The following TENM3 variants were observed in gnomAD, a reference collection of about 807,000 sequenced individuals.
The protein encoded by TENM3 is teneurin-3.
A neutral mutation model predicts 255.1 loss-of-function variants in TENM3; 63 were observed. The observed-to-expected ratio is 0.25, with a 90% confidence interval of 0.20 to 0.30. TENM3 has a LOEUF of 0.30. Ranked by LOEUF, TENM3 falls within the 10% of genes least tolerant of loss-of-function variation. The pLI is 1.00. For missense variants in TENM3, 2,929 were observed against 3,461.1 expected, an observed-to-expected ratio of 0.85 and a Z score of 3.86; for synonymous variants, 1,306 against 1,322.3, an observed-to-expected ratio of 0.99 and a Z score of 0.27.
the TENM3 span, among the ~76,000 whole-genome samples, chr4:181,820,851 A>G: frequency 4.6e-5 from 7 of 152,178 alleles, no homozygotes; most frequent in Non-Finnish European, 7.3e-5. Context: ...TGTATTTTAT[A>G]TCATCGCCTT....
At chr4:181,910,558 C>CAT in the TENM3 span, among the ~76,000 whole-genome samples, 499 of 141,812 alleles carry the variant, frequency 3.5e-3, 1 homozygote, top group African/African-American at 9.9e-3. Flanking sequence ...AAAGTGTATA[C>CAT]ATATATATAT....
chr4:182,488,693 T>C (rs1288679324), intron 3 of TENM3, among the ~76,000 whole-genome samples: 1 of 152,160 alleles, frequency 6.6e-6, no homozygotes, highest in Non-Finnish European at 1.5e-5. Context: ...GAAAGCCTAA[T>C]GTCATCGAAT....
At chr4:182,735,347 G>T (rs975267943) in intron 16 of TENM3, among the ~76,000 whole-genome samples, 1 of 152,128 alleles carries the variant, frequency 6.6e-6, no homozygotes, top group Non-Finnish European at 1.5e-5. Context: ...CAGAATGGAA[G>T]CTTCCTTCGT....
chr4:182,764,860 A>T lies in TENM3; in HGVS notation c.4893-8612A>T, dbSNP rs112232435. Among the ~76,000 whole-genome samples, 338 of 152,276 alleles carry T rather than the reference A, an allele frequency of 2.2e-3. 2 individuals are homozygous for T. The highest frequency in any genetic ancestry group is 7.8e-3 in the African/African-American group (323 of 41,564). ...CAGCAACATAGCCAATCTGGTGACAATGTAAGGATAGATTTAAGGTAGAAA... is the reference window on the plus strand; with the variant it reads ...CAGCAACATAGCCAATCTGGTGACATTGTAAGGATAGATTTAAGGTAGAAA... On this transcript the variant is annotated intron_variant, in intron 22 of 27. Transcript: ENST00000511685.
At chr4:181,995,037 C>T in the TENM3 span, among the ~76,000 whole-genome samples, 1 of 152,022 alleles carries the variant, frequency 6.6e-6, no homozygotes, top group African/African-American at 2.4e-5. Flanking sequence ...GCCTGTAATC[C>T]CAGCACTTTG....
At chr4:182,325,117 CTT>C (rs1482224877) in intron 2 of TENM3, among the ~76,000 whole-genome samples, 5 of 152,080 alleles carry the variant, frequency 3.3e-5, no homozygotes, top group Admixed American at 6.6e-5. Flanking sequence ...TTACATATAA[CTT>C]AGCATTCTTT....
At chr4:182,277,869 G>C (rs1171947981) in intron 1 of TENM3, among the ~76,000 whole-genome samples, 1 of 152,166 alleles carries the variant, frequency 6.6e-6, no homozygotes, top group Non-Finnish European at 1.5e-5. Flanking sequence ...TATTTAAACA[G>C]TAGTGCAAAA....
At chr4:181,999,887 C>T in the TENM3 span, among the ~76,000 whole-genome samples, 1 of 152,244 alleles carries the variant, frequency 6.6e-6, no homozygotes, top group South Asian at 2.1e-4. Context: ...AGCAGCAATT[C>T]ATTAACTCCT....
At chr4:181,630,289 C>A in the TENM3 span, among the ~76,000 whole-genome samples, 1 of 151,760 alleles carries the variant, frequency 6.6e-6, no homozygotes, top group Non-Finnish European at 1.5e-5. Context: ...AAAAAACCAG[C>A]TCCTGGATTC....
At chr4:182,371,880 T>C (rs1766842957) in intron 3 of TENM3, among the ~76,000 whole-genome samples, 1 of 151,754 alleles carries the variant, frequency 6.6e-6, no homozygotes, top group Non-Finnish European at 1.5e-5. Flanking sequence ...GCTTTTCAAA[T>C]GTTATTTCCC....
At chr4:181,767,067 A>ACC in the TENM3 span, among the ~76,000 whole-genome samples, 994 of 131,544 alleles carry the variant, frequency 7.6e-3, 45 homozygotes, top group Admixed American at 0.07. Context: ...TCTGGCTAAC[A>ACC]AGGGGAAATC....
chr4:182,733,098 A>G (rs1760900578), intron 16 of TENM3, among the ~76,000 whole-genome samples: 1 of 152,230 alleles, frequency 6.6e-6, no homozygotes, highest in East Asian at 1.9e-4. Context: ...TCAAAAAATA[A>G]TAAAGCAGGG....
intron 1 of TENM3, among the ~76,000 whole-genome samples, chr4:182,323,672 T>C (rs1763200885): frequency 6.6e-6 from 1 of 152,158 alleles, no homozygotes; most frequent in African/African-American, 2.4e-5. Context: ...AATTTCAGCG[T>C]GAGCTTACAA....
intron 3 of TENM3, among the ~76,000 whole-genome samples, chr4:182,504,501 A>G (rs1004348366): frequency 3.9e-5 from 6 of 152,208 alleles, no homozygotes; most frequent in Non-Finnish European, 8.8e-5. Flanking sequence ...TAGCTATACA[A>G]GATATGTTTT....
At chr4:181,547,250 G>T in the TENM3 span, among the ~76,000 whole-genome samples, 4 of 152,038 alleles carry the variant, frequency 2.6e-5, no homozygotes, top group East Asian at 1.9e-4. Flanking sequence ...ATTTTATATA[G>T]AGAGAAAGAA....
chr4:182,660,529 C>T (rs778174969), intron 6 of TENM3, among the ~76,000 whole-genome samples: 3 of 152,144 alleles, frequency 2.0e-5, no homozygotes, highest in Non-Finnish European at 4.4e-5. Context: ...CAATGCATAT[C>T]AGTGATTGTT....
intron 1 of TENM3, among the ~76,000 whole-genome samples, chr4:182,168,265 G>A (rs552603134): frequency 6.6e-5 from 10 of 152,094 alleles, no homozygotes; most frequent in African/African-American, 2.4e-4. Flanking sequence ...CTCCCGAGTA[G>A]CTGGGACTAC....
At chr4:182,204,813 TC>T (rs1310364351) in intron 1 of TENM3, among the ~76,000 whole-genome samples, 9 of 152,354 alleles carry the variant, frequency 5.9e-5, no homozygotes, top group Admixed American at 2.6e-4. Context: ...ATCTCTGTGT[TC>T]AATGAAGATT....
At chr4:182,370,971 A>T (rs1207952206) in intron 3 of TENM3, among the ~76,000 whole-genome samples, 1 of 151,500 alleles carries the variant, frequency 6.6e-6, no homozygotes, top group Non-Finnish European at 1.5e-5. Context: ...GTTTAATTAA[A>T]TTTTTTTTTC....
Sources: gnomAD v4.1 joint callset for allele counts (sites outside exome capture counted in the v4.1 genomes callset) on GRCh38, gnomAD v4.1.1 for gene constraint, MANE v1.5 for transcripts, NCBI Gene and HGNC (gene_info 2026-07-23, HGNC 2026-07-21) for gene names.